GATAD1: variants seen among roughly 807,000 people sequenced by gnomAD.
GATAD1 encodes GATA zinc finger domain containing 1, also known as GATA zinc finger domain-containing protein 1.
Under a neutral mutation model 26.5 loss-of-function variants are expected in GATAD1, and 12 were observed. That is an observed-to-expected ratio of 0.45 (90% CI 0.29 to 0.73). The LOEUF (loss-of-function observed/expected upper bound fraction) is 0.73. GATAD1 is among the 30% of genes least tolerant of loss of function. The pLI is 0.10. For synonymous variants in GATAD1, 129 were observed against 133.1 expected (o/e 0.97, Z 0.21); for missense variants, 266 against 342.1 (o/e 0.78, Z 1.75).
the GATAD1 span, chr7:92,487,505 A>G: frequency 6.3e-7 from 1 of 1,594,680 alleles, no homozygotes. Context: ...TTCCACTTTG[A>G]TTTTTTCTCC....
At chr7:92,492,361 TAC>T in the GATAD1 span, among the ~76,000 whole-genome samples, 17 of 152,176 alleles carry the variant, frequency 1.1e-4, no homozygotes, top group Non-Finnish European at 1.8e-4. Context: ...CCATAGTGGG[TAC>T]AGTTTGTGCA....
At chr7:92,489,673 A>G in the GATAD1 span, 4 of 1,556,124 alleles carry the variant, frequency 2.6e-6, no homozygotes, top group Non-Finnish European at 3.5e-6. Flanking sequence ...AACAATTTTT[A>G]AGAAGTTTTA....
chr7:92,463,505 A>T (rs997731670), downstream of GATAD1, among the ~76,000 whole-genome samples: 2 of 138,612 alleles, frequency 1.4e-5, no homozygotes, highest in African/African-American at 5.5e-5. Flanking sequence ...AAAAACAAAT[A>T]AAAAAAAAAT....
the GATAD1 span, chr7:92,489,160 G>A: frequency 6.0e-6 from 5 of 833,702 alleles, no homozygotes; most frequent in African/African-American, 1.7e-5. Flanking sequence ...GCATAGCTAC[G>A]ACACATATTT....
At chr7:92,462,614 T>C (rs1789961397), downstream of GATAD1, among the ~76,000 whole-genome samples, 4 of 152,220 alleles carry the variant, frequency 2.6e-5, no homozygotes, top group Admixed American at 6.5e-5. Context: ...GCTGAATGTG[T>C]GCCTGATCCC....
the GATAD1 span, among the ~76,000 whole-genome samples, chr7:92,466,448 A>G: frequency 6.6e-6 from 1 of 152,228 alleles, no homozygotes; most frequent in Non-Finnish European, 1.5e-5. Context: ...GGCATAAGCC[A>G]CCACACCCAG....
the GATAD1 span, among the ~76,000 whole-genome samples, chr7:92,467,864 G>A: frequency 1.3e-5 from 2 of 152,344 alleles, no homozygotes; most frequent in East Asian, 3.9e-4. Flanking sequence ...CTAGGAATAG[G>A]ACATCCAGGG....
rs934989780 is a variant in GATAD1 at position 92,447,836 on chromosome 7, G to A, written c.107G>A (p.Arg36Gln). Residue 36 changes from arginine (R) to glutamine (Q), a missense_variant, in exon 1 of 5, where the codon CGG (arginine) becomes CAG (glutamine). Physicochemically the swap from Arg to Gln is conservative, Grantham distance 43. Transcript: ENST00000287957. ...GEILCHHCTGRGGAGSGGAGS... is the reference protein window; with the variant it reads ...GEILCHHCTGQGGAGSGGAGS... Reference sequence around the variant, plus strand: ...ATCCTCTGCCATCATTGCACTGGCCGGGGCGGCGCGGGCAGCGGGGGCGCA... The same window carrying A: ...ATCCTCTGCCATCATTGCACTGGCCAGGGCGGCGCGGGCAGCGGGGGCGCA... The A allele has an allele frequency of 1.8e-5, 25 of 1,411,074 alleles. No homozygotes were observed. The highest frequency in any genetic ancestry group is 2.1e-5 in the Non-Finnish European group (23 of 1,078,016). The allele number at this position is 1,411,074 out of a possible 1,614,324, so 87.4% of individuals were successfully genotyped here.
intron 3 of GATAD1, among the ~76,000 whole-genome samples, chr7:92,453,538 G>C (rs897107527): frequency 3.3e-5 from 5 of 152,200 alleles, no homozygotes; most frequent in African/African-American, 1.2e-4. Context: ...TCCTGTTGTG[G>C]AAGGATATAA....
At chr7:92,461,749 G>T (rs1002362891), downstream of GATAD1, among the ~76,000 whole-genome samples, 1 of 152,174 alleles carries the variant, frequency 6.6e-6, no homozygotes, top group Non-Finnish European at 1.5e-5. Flanking sequence ...ATTCCTCTCT[G>T]TGGGCCTCCA....
chr7:92,447,795 G>C lies in GATAD1; in HGVS notation c.66G>C (p.Lys22Asn). The C allele has an allele frequency of 1.3e-6, 2 of 1,496,296 alleles. No homozygotes were observed. The highest frequency in any genetic ancestry group is 1.8e-6 in the Non-Finnish European group (2 of 1,122,392). 92.7% of individuals were successfully genotyped at this position (1,496,296 alleles called of 1,614,324 possible). ...CKTTSSSMWK[K>N]GAQGEILCHH... The stretch of plus-strand genomic sequence containing the variant: ...CCACGTCGTCCTCCATGTGGAAGAA[G>C]GGAGCGCAGGGGGAGATCCTCTGCC... Residue 22 changes from lysine (K) to asparagine (N), a missense_variant, in exon 1 of 5, where the codon AAG (lysine) becomes AAC (asparagine). Lys to Asn is a moderately conservative substitution (Grantham distance 94, BLOSUM62 0). Transcript: ENST00000287957.
In GATAD1 at chr7:92,459,012, T is replaced by A. The variant is rs1429905107; in HGVS notation, c.*2450T>A. The A allele has an allele frequency of 6.6e-6, 1 of 152,086 alleles. No individual in the cohort carries two copies. The highest frequency in any genetic ancestry group is 1.5e-5 in the Non-Finnish European group (1 of 68,042). The allele number at this position is 152,086 out of a possible 1,614,324, so 9.4% of individuals were successfully genotyped here. A position where few individuals can be genotyped will look rare whatever the true frequency, so the allele number is the denominator to read the frequency against. ...GCTGAGGCAGGCGGATCACCTGAGG[T>A]CAGGAGTTCGAGACCAGCCTGGTCA... On this transcript the variant is annotated 3_prime_UTR_variant, in exon 5 of 5. Coordinates refer to ENST00000287957, the MANE Select transcript of GATAD1 (RefSeq NM_021167.5).
chr7:92,470,560 G>A, the GATAD1 span: 5 of 535,074 alleles, frequency 9.3e-6, no homozygotes, highest in African/African-American at 3.8e-5. Context: ...CACTTTAACC[G>A]CAGTTGGGGT....
chr7:92,473,446 C>T, the GATAD1 span, among the ~76,000 whole-genome samples: 1 of 151,946 alleles, frequency 6.6e-6, no homozygotes, highest in Admixed American at 6.6e-5. Context: ...TTTAGTTTAA[C>T]TTGAACAGGA....
the GATAD1 span, chr7:92,469,653 A>G: frequency 1.3e-6 from 1 of 764,500 alleles, no homozygotes; most frequent in South Asian, 1.3e-5. Context: ...TTGTGTATGT[A>G]GTATTGCTAA....
downstream of GATAD1, among the ~76,000 whole-genome samples, chr7:92,460,751 G>A (rs1475797545): frequency 6.8e-6 from 1 of 147,740 alleles, no homozygotes; most frequent in Non-Finnish European, 1.5e-5. Context: ...ACTCCAGCCT[G>A]GGTGATAGAA....
At chr7:92,453,761 C>T (rs918236391) in intron 3 of GATAD1, among the ~76,000 whole-genome samples, 1 of 152,150 alleles carries the variant, frequency 6.6e-6, no homozygotes, top group Non-Finnish European at 1.5e-5. Context: ...ATTTTCAAGA[C>T]AGTACAGAGA....
chr7:92,468,882 T>C, the GATAD1 span: 1 of 764,262 alleles, frequency 1.3e-6, no homozygotes, highest in Admixed American at 1.7e-5. Context: ...GGTCCAGGGG[T>C]CTGCGGTAGA....
At chr7:92,451,603 C>T (rs144785002) in intron 3 of GATAD1, among the ~76,000 whole-genome samples, 1 of 152,142 alleles carries the variant, frequency 6.6e-6, no homozygotes, top group Non-Finnish European at 1.5e-5. Flanking sequence ...CTGTTCCTCC[C>T]AACAGGGGTA....
Sources: gnomAD v4.1 joint callset for allele counts (sites outside exome capture counted in the v4.1 genomes callset) on GRCh38, gnomAD v4.1.1 for gene constraint, MANE v1.5 for transcripts, NCBI Gene and HGNC (gene_info 2026-07-23, HGNC 2026-07-21) for gene names.